DOCK6: variants seen among roughly 807,000 people sequenced by gnomAD.
The protein encoded by DOCK6 is dedicator of cytokinesis 6.
DOCK6 carries 167 observed loss-of-function variants against 230.3 expected under a neutral mutation model. That is an observed-to-expected ratio of 0.73 (90% confidence interval 0.64 to 0.82). The LOEUF is 0.82. DOCK6 is among the 40% of genes least tolerant of loss of function. DOCK6 has a pLI of 0.00. For missense variants in DOCK6, 2,598 were observed against 2,825.8 expected (o/e 0.92, Z 1.83); for synonymous variants, 1,148 against 1,185.0 (o/e 0.97, Z 0.64).
At chr19:11,239,530 A>G in intron 14 of DOCK6, 1 of 1,370,080 alleles carries the variant, frequency 7.3e-7, no homozygotes, top group Non-Finnish European at 1.0e-6. Context: ...CCCTTGTGCA[A>G]TGCGGGGCAC....
At chr19:11,254,391 G>A (rs1387898356) in intron 1 of DOCK6, among the ~76,000 whole-genome samples, 1 of 152,210 alleles carries the variant, frequency 6.6e-6, no homozygotes, top group Non-Finnish European at 1.5e-5. Context: ...ATCTGAGCAG[G>A]CCTTCAAAAT....
chr19:11,229,598 T>G, intron 22 of DOCK6, among the ~76,000 whole-genome samples: 1 of 150,880 alleles, frequency 6.6e-6, no homozygotes, highest in Non-Finnish European at 1.5e-5. Context: ...CCGGCGTGGG[T>G]TGGGAGGGGA....
chr19:11,247,608 CG>C, intron 7 of DOCK6: 1 of 156,454 alleles, frequency 6.4e-6, no homozygotes, highest in Non-Finnish European at 1.4e-5. Context: ...TGCTGCTCCC[CG>C]GGGGCTGGTG....
At chr19:11,210,091 C>G (rs1244643448) in intron 37 of DOCK6, among the ~76,000 whole-genome samples, 1 of 146,522 alleles carries the variant, frequency 6.8e-6, no homozygotes, top group African/African-American at 2.5e-5. Context: ...CACCTGCCCA[C>G]CTTCTCACCT....
At chr19:11,250,813 G>A in intron 6 of DOCK6, 61 bp downstream of exon 6, 2 of 1,494,102 alleles carry the variant, frequency 1.3e-6, no homozygotes, top group Non-Finnish European at 1.8e-6. Flanking sequence ...GAATAAACAT[G>A]AAGTATACAA....
chr19:11,234,387 G>A (rs933229858), intron 21 of DOCK6, among the ~76,000 whole-genome samples: 2 of 149,980 alleles, frequency 1.3e-5, no homozygotes, highest in Non-Finnish European at 3.0e-5. Flanking sequence ...GATTACAGCC[G>A]TGAGCCACCA....
At chr19:11,219,174 G>GT (rs778505119) in intron 28 of DOCK6, among the ~76,000 whole-genome samples, 917 of 77,318 alleles carry the variant, frequency 0.012, 101 homozygotes, top group Non-Finnish European at 0.016. Flanking sequence ...ACTGCGCCCG[G>GT]TTTTTTTTTT....
intron 28 of DOCK6, among the ~76,000 whole-genome samples, chr19:11,220,817 T>C (rs2079566798): frequency 6.6e-6 from 1 of 151,290 alleles, no homozygotes; most frequent in African/African-American, 2.4e-5. Flanking sequence ...ATATATAATA[T>C]CTGAATTTTT....
intron 14 of DOCK6, chr19:11,240,118 C>G (rs1173588796): frequency 6.4e-7 from 1 of 1,551,362 alleles, no homozygotes; most frequent in Non-Finnish European, 8.7e-7. Context: ...ACTAGTGACC[C>G]ACTGTTTATT....
At position 11,251,086 on chromosome 19, in the gene DOCK6, T is replaced by G; in HGVS notation, c.508A>C (p.Asn170His). ...GDERSGPEDSNDSRRGSGSPE... is the reference protein window; with the variant it reads ...GDERSGPEDSHDSRRGSGSPE... ...GAGCCCGAGCCACGCCGGGAGTCAT[T>G]CTGCCAGTGGAGAATGTGCAAGCAC... Residue 170 changes from asparagine (N) to histidine (H), a missense_variant and splice_region_variant, in exon 6 of 48, where the codon AAT becomes CAT. Transcript: ENST00000294618. The G allele has an allele frequency of 6.2e-7, 1 of 1,608,828 alleles. No homozygotes were observed. Among genetic ancestry groups the G allele is most frequent in the Non-Finnish European group, 8.5e-7 (1 of 1,177,690 alleles).
At chr19:11,232,008 G>A (rs544717252) in intron 22 of DOCK6, among the ~76,000 whole-genome samples, 1 of 152,312 alleles carries the variant, frequency 6.6e-6, no homozygotes, top group South Asian at 2.1e-4. Flanking sequence ...CAAAAAGCCA[G>A]TTAGGATGAC....
At chr19:11,255,036 CT>C (rs2080176938) in intron 1 of DOCK6, among the ~76,000 whole-genome samples, 1 of 152,154 alleles carries the variant, frequency 6.6e-6, no homozygotes, top group African/African-American at 2.4e-5. Flanking sequence ...GAGTTTCGCT[CT>C]TGTTGCCCAG....
intron 14 of DOCK6, chr19:11,239,885 G>A (rs754255586): frequency 2.8e-5 from 44 of 1,595,300 alleles, no homozygotes; most frequent in South Asian, 3.4e-5. Context: ...GAGGTCAGCC[G>A]GGGCCGGGAT....
chr19:11,218,161 T>G lies in DOCK6; in HGVS notation c.3551-770A>C, dbSNP rs2079524386. Among the ~76,000 whole-genome samples, 3 of 152,046 alleles carry G rather than the reference T, an allele frequency of 2.0e-5. No homozygotes were observed. In the South Asian group the frequency reaches 6.2e-4, roughly 32 times the overall value. ...CATGGCGCCTGGCCTATTTTATTTT[T>G]TTTTGGATACAGTCTTGCTTTGTCA... On this transcript the variant is annotated intron_variant, in intron 28 of 47. Coordinates refer to ENST00000294618, the MANE Select transcript of DOCK6 (RefSeq NM_020812.4).
At chr19:11,241,594 G>A (rs1308362687) in intron 14 of DOCK6, 4 of 1,556,090 alleles carry the variant, frequency 2.6e-6, no homozygotes, top group Admixed American at 3.9e-5. Context: ...GCAGTTGGAT[G>A]GGGGGCGCAC....
intron 24 of DOCK6, among the ~76,000 whole-genome samples, chr19:11,225,880 A>T (rs1184125142): frequency 6.6e-6 from 1 of 151,072 alleles, no homozygotes; most frequent in Admixed American, 6.6e-5. Flanking sequence ...AAAAAAAAAA[A>T]AAAAAAAAAA....
At chr19:11,245,165 G>C (rs1285367608) in intron 9 of DOCK6, among the ~76,000 whole-genome samples, 1 of 152,138 alleles carries the variant, frequency 6.6e-6, no homozygotes, top group African/African-American at 2.4e-5. Flanking sequence ...TTTCATCATT[G>C]CAAACTAATA....
chr19:11,250,843 G>A, intron 6 of DOCK6, 31 bp downstream of exon 6: 1 of 1,586,496 alleles, frequency 6.3e-7, no homozygotes. Flanking sequence ...AGTAAATGCT[G>A]GTTGGCTGAT....
intron 22 of DOCK6, chr19:11,232,387 C>G: frequency 7.7e-6 from 7 of 913,718 alleles, no homozygotes; most frequent in Non-Finnish European, 1.1e-5. Flanking sequence ...ATACATGTGC[C>G]CACATGTGCA....
Sources: gnomAD v4.1 joint callset for allele counts (sites outside exome capture counted in the v4.1 genomes callset) on GRCh38, gnomAD v4.1.1 for gene constraint, MANE v1.5 for transcripts, NCBI Gene and HGNC (gene_info 2026-07-23, HGNC 2026-07-21) for gene names.